The following CLCN1 variants were observed in gnomAD, a reference collection of about 807,000 sequenced individuals.
CLCN1 encodes chloride voltage-gated channel 1.
In CLCN1, 100 loss-of-function variants were observed where a neutral mutation model predicts 114.5. The ratio of observed to expected loss-of-function variants is 0.87; its 90% CI spans 0.74 to 1.03. CLCN1 has a LOEUF of 1.03. Ranked by LOEUF, CLCN1 falls within the 50% of genes least tolerant of loss-of-function variation. The pLI is 0.00. For synonymous variants in CLCN1, 485 were observed against 487.1 expected, an observed-to-expected ratio of 1.00 and a Z score of 0.06; for missense variants, 1,188 against 1,250.0, an observed-to-expected ratio of 0.95 and a Z score of 0.75.
At chr7:143,331,426 T>G in intron 9 of CLCN1, 110 bp downstream of exon 9, 1 of 1,122,096 alleles carries the variant, frequency 8.9e-7, no homozygotes, top group Non-Finnish European at 1.4e-6. Flanking sequence ...ATAGAGTACA[T>G]TGCTGGGGGG....
rs772027125 is a variant in CLCN1 at position 143,323,374 on chromosome 7, C to G, written c.762C>G (p.Cys254Trp). 12 of 1,612,064 alleles carry G rather than the reference C, an allele frequency of 7.4e-6. No homozygotes were observed. In the East Asian group the frequency reaches 2.5e-4, roughly 33 times the overall value. Reference protein sequence around the residue: ...AVLSKFMSVFCGVYEQPYYYS... With the variant: ...AVLSKFMSVFWGVYEQPYYYS... The stretch of plus-strand genomic sequence containing the variant: ...TCAGCAAATTCATGTCTGTGTTCTG[C>G]GGGGTATATGAGGTAAGGTTGAGAC... Residue 254 changes from cysteine to tryptophan, a missense_variant, in exon 6 of 23, where the codon TGC becomes TGG. By Grantham distance (215) the Cys-to-Trp change is radical (BLOSUM62 -2). Transcript: ENST00000343257.
chr7:143,324,797 C>T lies in CLCN1; in HGVS notation c.853+305C>T, dbSNP rs865959418. Among the ~76,000 whole-genome samples, 2 of 152,146 alleles carry T rather than the reference C, an allele frequency of 1.3e-5. No homozygotes were observed. The highest frequency in any genetic ancestry group is 6.5e-5 in the Admixed American group (1 of 15,270). ...CAGGAATTAAAACCAAGGCAGTCTC[C>T]GTGGCTCCCCTACTTATTTTCAAAC... On this transcript the variant is annotated intron_variant, in intron 7 of 22. Transcript: ENST00000343257. The surrounding 1 kb of genome is among the most constrained non-coding windows in gnomAD (Gnocchi z 4.6).
At chr7:143,348,055 A>AAC (rs1414670481) in intron 20 of CLCN1, among the ~76,000 whole-genome samples, 3 of 152,256 alleles carry the variant, frequency 2.0e-5, no homozygotes, top group Non-Finnish European at 4.4e-5. Flanking sequence ...TGACAAAAAA[A>AAC]ACACGGCAGA....
intron 5 of CLCN1, 60 bp from the exon 6 acceptor site, chr7:143,323,249 G>C: frequency 2.3e-6 from 2 of 878,842 alleles, no homozygotes; most frequent in Non-Finnish European, 3.9e-6. Flanking sequence ...TTAGTCCAGT[G>C]AGTGCTGCAG....
In CLCN1 at chr7:143,351,807, G is replaced by C; in HGVS notation, c.2809G>C (p.Glu937Gln). The part of the protein sequence containing the change: ...PETPVPSPSP[E>Q]PPLSLAPGKV... ...GACCCCTGTGCCATCTCCTTCCCCA[G>C]AGCCCCCTCTCTCCCTGGCCCCAGG... The change falls in exon 23 of 23, where the codon GAG (glutamate) becomes CAG (glutamine). Residue 937 changes from glutamate to glutamine, a missense_variant. By Grantham distance (29) the Glu-to-Gln change is conservative (BLOSUM62 2). Coordinates refer to ENST00000343257, the MANE Select transcript of CLCN1 (RefSeq NM_000083.3). 6.2e-7 allele frequency: 1 copy of C among 1,614,090 alleles called. No homozygotes were observed. The highest frequency in any genetic ancestry group is 8.5e-7 in the Non-Finnish European group (1 of 1,179,982).
At chr7:143,340,757 T>C (rs1803055337) in intron 14 of CLCN1, among the ~76,000 whole-genome samples, 1 of 152,158 alleles carries the variant, frequency 6.6e-6, no homozygotes, top group Admixed American at 6.6e-5. Context: ...GGTCTCAAAC[T>C]CCTGGCCTCA....
chr7:143,316,484 G>T, intron 1 of CLCN1, 92 bp downstream of exon 1: 1 of 1,175,002 alleles, frequency 8.5e-7, no homozygotes, highest in East Asian at 2.3e-5. Flanking sequence ...TGAAAAGAGG[G>T]AGCAGTGTTA....
chr7:143,328,986 A>C (rs1478028384), intron 7 of CLCN1, among the ~76,000 whole-genome samples: 1 of 144,478 alleles, frequency 6.9e-6, no homozygotes, highest in African/African-American at 2.6e-5. Flanking sequence ...TTTTTTTTTC[A>C]AGATGGAGTC....
chr7:143,339,431 C>A lies in CLCN1; in HGVS notation c.1472-80C>A. On this transcript the variant is annotated intron_variant, in intron 13 of 22. Coordinates refer to ENST00000343257, the MANE Select transcript of CLCN1 (RefSeq NM_000083.3). The surrounding 1 kb of genome is among the most constrained non-coding windows in gnomAD (Gnocchi z 4.1). ...GGAGTTTATATTTGTTCTTAATGCC[C>A]AAGGAGAGATTGGTTCTGAAAACTG... 1.5e-6 allele frequency: 2 copies of A among 1,373,734 alleles called. No homozygotes were observed. Among genetic ancestry groups the A allele is most frequent in the Non-Finnish European group, 2.1e-6 (2 of 961,078 alleles). The allele number at this position is 1,373,734 out of a possible 1,614,324, so 85.1% of individuals were successfully genotyped here.
In CLCN1 at chr7:143,345,503, G is replaced by A; in HGVS notation, c.1931-18G>A. 1.3e-6 allele frequency: 2 copies of A among 1,525,722 alleles called. No individual in the cohort carries two copies. Among genetic ancestry groups the A allele is most frequent in the South Asian group, 2.4e-5 (2 of 82,622 alleles). 94.5% of individuals were successfully genotyped at this position (1,525,722 alleles called of 1,614,324 possible). A position where few individuals can be genotyped will look rare whatever the true frequency, so the allele number is the denominator to read the frequency against. ...GGGCTTGGAGGGGGCGCTCAGGCAG[G>A]GCGTGGGTTTCCCTCAGATTCAATG... On this transcript the variant is annotated intron_variant, in intron 16 of 22. Coordinates refer to ENST00000343257, the MANE Select transcript of CLCN1 (RefSeq NM_000083.3).
At position 143,339,288 on chromosome 7, in the gene CLCN1, A is replaced by G; in HGVS notation, c.1437A>G (p.Ile479Met). Residue 479 changes from isoleucine to methionine, a missense_variant, in exon 13 of 23, where the codon ATA (isoleucine) becomes ATG (methionine). Coordinates refer to ENST00000343257, the MANE Select transcript of CLCN1 (RefSeq NM_000083.3). This position sits in a 1 kb window ranked among gnomAD's most constrained non-coding sequence, Gnocchi z 4.1. Reference protein sequence around the residue: ...WMSIVATTMPIPCGGFMPVFV... With the variant: ...WMSIVATTMPMPCGGFMPVFV... Reference sequence around the variant, plus strand: ...CCATCGTGGCCACCACTATGCCCATACCCTGCGGAGGCTTCATGCCTGTGT... The same window carrying G: ...CCATCGTGGCCACCACTATGCCCATGCCCTGCGGAGGCTTCATGCCTGTGT... 2 of 1,613,270 alleles carry G rather than the reference A, an allele frequency of 1.2e-6. No individual in the cohort carries two copies. Among genetic ancestry groups the G allele is most frequent in the Non-Finnish European group, 1.7e-6 (2 of 1,179,196 alleles).
intron 14 of CLCN1, among the ~76,000 whole-genome samples, chr7:143,341,495 G>C (rs561016867): frequency 1.3e-5 from 2 of 151,986 alleles, no homozygotes; most frequent in East Asian, 3.9e-4. Context: ...GGAGGTGGAG[G>C]TTCCCATGAA....
chr7:143,316,798 G>A (rs1368328732), intron 1 of CLCN1, among the ~76,000 whole-genome samples: 1 of 152,200 alleles, frequency 6.6e-6, no homozygotes, highest in African/African-American at 2.4e-5. Context: ...GGGACCCTCT[G>A]CAGAATACAC....
intron 12 of CLCN1, among the ~76,000 whole-genome samples, chr7:143,338,804 A>AG (rs1286778831): frequency 1.4e-5 from 2 of 147,234 alleles, no homozygotes; most frequent in African/African-American, 5.4e-5. Flanking sequence ...AAAAAAAAAA[A>AG]AAAAGAAAAA....
intron 12 of CLCN1, among the ~76,000 whole-genome samples, chr7:143,335,588 A>G (rs370604058): frequency 6.6e-6 from 1 of 151,734 alleles, no homozygotes; most frequent in Non-Finnish European, 1.5e-5. Flanking sequence ...CCAGTGCCTA[A>G]TTTGAAATGT....
rs2116854732 is a variant in CLCN1 at position 143,332,496 on chromosome 7, C to T, written c.1244C>T (p.Ala415Val). The change falls in exon 11 of 23, where the codon GCT becomes GTT. Residue 415 changes from alanine (A) to valine (V), a missense_variant. By Grantham distance (64) the Ala-to-Val change is moderately conservative (BLOSUM62 0). Coordinates refer to ENST00000343257, the MANE Select transcript of CLCN1 (RefSeq NM_000083.3). ...TFPPGMGQFM[A>V]GELMPREAIS... Reference sequence around the variant, plus strand: ...CCACCAGGAATGGGTCAATTCATGGCTGGAGAGGTCAGCTGTTGGTGGGGC... The same window carrying T: ...CCACCAGGAATGGGTCAATTCATGGTTGGAGAGGTCAGCTGTTGGTGGGGC... The T allele has an allele frequency of 1.2e-6, 2 of 1,613,166 alleles. No individual in the cohort carries two copies. Among genetic ancestry groups the T allele is most frequent in the East Asian group, 4.5e-5 (2 of 44,880 alleles).
Position 143,319,804 on chromosome 7 carries a change from G to A in CLCN1, c.230G>A (p.Gly77Glu). Residue 77 changes from glycine to glutamate, a missense_variant, in exon 2 of 23, where the codon GGG (glycine) becomes GAG (glutamate). Physicochemically the swap from Gly to Glu is moderately conservative, Grantham distance 98. Coordinates refer to ENST00000343257, the MANE Select transcript of CLCN1 (RefSeq NM_000083.3). ...TTCTCAGACAGGGAGCAGGACATAG[G>A]GATGCCCAAGAAGACAGGCTCCAGT... ...EQFSDREQDI[G>E]MPKKTGSSST... is the part of the protein sequence containing the mutation. 6.2e-7 allele frequency: 1 copy of A among 1,613,418 alleles called. No homozygotes were observed. Among genetic ancestry groups the A allele is most frequent in the Non-Finnish European group, 8.5e-7 (1 of 1,179,362 alleles).
At chr7:143,347,129 GGAGGT>G (rs1411933648) in intron 20 of CLCN1, among the ~76,000 whole-genome samples, 180 bp downstream of exon 20, 1 of 152,168 alleles carries the variant, frequency 6.6e-6, no homozygotes, top group African/African-American at 2.4e-5. Flanking sequence ...GATGGGACAT[GGAGGT>G]GTTCTCAGAA....
intron 7 of CLCN1, among the ~76,000 whole-genome samples, chr7:143,327,662 T>C (rs1802610424): frequency 6.6e-6 from 1 of 152,160 alleles, no homozygotes; most frequent in African/African-American, 2.4e-5. Context: ...TAATTTTATT[T>C]TTTTCTTTTT....
Sources: allele counts gnomAD v4.1 joint callset (sites outside exome capture counted in the v4.1 genomes callset), GRCh38; gene constraint gnomAD v4.1.1; non-coding constraint Gnocchi (gnomAD v3.1); transcripts MANE v1.5; gene names NCBI Gene and HGNC (gene_info 2026-07-23, HGNC 2026-07-21).